EPHA3: variants seen among roughly 807,000 people sequenced by gnomAD.
The protein encoded by EPHA3 is EPH receptor A3, also known as ephrin type-A receptor 3.
In EPHA3, 42 loss-of-function variants were observed where a neutral mutation model predicts 107.1. The ratio of observed to expected loss-of-function variants is 0.39; its 90% CI spans 0.31 to 0.51. The LOEUF is 0.51. Among genes scored for constraint, EPHA3 ranks in the 20% least tolerant of loss-of-function variants. EPHA3 has a pLI of 0.78. For synonymous variants in EPHA3, 461 were observed against 424.8 expected, an observed-to-expected ratio of 1.09 and a Z score of -1.05; for missense variants, 1,183 against 1,211.2, an observed-to-expected ratio of 0.98 and a Z score of 0.35.
At chr3:89,186,668 A>T (rs1705575464) in intron 2 of EPHA3, among the ~76,000 whole-genome samples, 1 of 152,146 alleles carries the variant, frequency 6.6e-6, no homozygotes, top group South Asian at 2.1e-4. Context: ...GACAAGTGCC[A>T]TGTTGAATAC....
chr3:89,169,265 GGTTA>G (rs1705156070), intron 2 of EPHA3, among the ~76,000 whole-genome samples: 2 of 151,892 alleles, frequency 1.3e-5, no homozygotes, highest in Non-Finnish European at 2.9e-5. Flanking sequence ...AATTTTAAAA[GGTTA>G]GTTAGGGCAT....
At chr3:89,414,836 G>A (rs773560097) in intron 10 of EPHA3, among the ~76,000 whole-genome samples, 5 of 151,422 alleles carry the variant, frequency 3.3e-5, no homozygotes, top group African/African-American at 4.8e-5. Context: ...TGAGATAAGG[G>A]GAGGTCTATT....
rs181985639 is a variant in EPHA3, at chr3:89,111,096, G to A, written c.88+3260G>A. Among the ~76,000 whole-genome samples the A allele has an allele frequency of 1.9e-3, 293 of 151,798 alleles. 1 individual carries two copies. Among genetic ancestry groups the A allele is most frequent in the African/African-American group, 6.5e-3 (269 of 41,456 alleles). On this transcript the variant is annotated intron_variant, in intron 1 of 16. Transcript: ENST00000336596. ...ACTTTTTTAAAGACTTTTTTTAGTA[G>A]CTAAGACACTATTTCTATGAAATGC...
At chr3:89,386,115 G>A (rs1708615937) in intron 5 of EPHA3, among the ~76,000 whole-genome samples, 1 of 152,152 alleles carries the variant, frequency 6.6e-6, no homozygotes, top group Non-Finnish European at 1.5e-5. Context: ...ATTAAAGTTA[G>A]GAAAATTTGC....
intron 3 of EPHA3, among the ~76,000 whole-genome samples, chr3:89,218,706 T>C (rs111276215): frequency 0.016 from 2,398 of 152,200 alleles, 55 homozygotes; most frequent in African/African-American, 0.053. Flanking sequence ...AAGACATTTA[T>C]GCAGCCAAAA....
At chr3:89,202,261 G>A (rs1257226571) in intron 2 of EPHA3, among the ~76,000 whole-genome samples, 2 of 151,896 alleles carry the variant, frequency 1.3e-5, no homozygotes, top group African/African-American at 4.8e-5. Context: ...TTGGGAGGCC[G>A]AGGCAGGCGG....
rs571114600 is a variant in EPHA3, at chr3:89,148,097, T to A, written c.153+20824T>A. On this transcript the variant is annotated intron_variant, in intron 2 of 16. Coordinates refer to ENST00000336596, the MANE Select transcript of EPHA3 (RefSeq NM_005233.6). The stretch of plus-strand genomic sequence containing the variant: ...TTTAGGGAAAAAATGCATGAACTTG[T>A]GTGTTGATTAAATGCAAATATCAGT... Among the ~76,000 whole-genome samples the A allele has an allele frequency of 2.0e-5, 3 of 152,092 alleles. No individual in the cohort carries two copies. In the South Asian group the frequency reaches 6.2e-4, roughly 32 times the overall value.
At chr3:89,242,883 T>G (rs1316633971) in intron 3 of EPHA3, among the ~76,000 whole-genome samples, 1 of 151,466 alleles carries the variant, frequency 6.6e-6, no homozygotes, top group Non-Finnish European at 1.5e-5. Context: ...TTGGTATATC[T>G]CCTATTGCTA....
At position 89,480,968 on chromosome 3, in the gene EPHA3, A is replaced by C. The variant is rs1710611240; in HGVS notation, c.*1466A>C. 4.3e-6 allele frequency: 1 copy of C among 231,728 alleles called. No individual in the cohort carries two copies. The allele number at this position is 231,728 out of a possible 1,614,324, so 14.4% of individuals were successfully genotyped here. A position where few individuals can be genotyped will look rare whatever the true frequency, so the allele number is the denominator to read the frequency against. ...ATCACAGGGATTTAGACTTACTATTACATAAAGGCTAACTATGAGCTTGCT... is the reference window on the plus strand; with the variant it reads ...ATCACAGGGATTTAGACTTACTATTCCATAAAGGCTAACTATGAGCTTGCT... On this transcript the variant is annotated 3_prime_UTR_variant, in exon 17 of 17. Coordinates refer to ENST00000336596, the MANE Select transcript of EPHA3 (RefSeq NM_005233.6).
chr3:89,426,153 C>A (rs1240986572), intron 11 of EPHA3, among the ~76,000 whole-genome samples: 2 of 151,642 alleles, frequency 1.3e-5, no homozygotes, highest in Non-Finnish European at 3.0e-5. Flanking sequence ...CAAGCTTTGT[C>A]TGGAGGAAGA....
chr3:89,220,218 G>C (rs1389574271), intron 3 of EPHA3, among the ~76,000 whole-genome samples: 1 of 152,098 alleles, frequency 6.6e-6, no homozygotes, highest in African/African-American at 2.4e-5. Context: ...GTCTATTAAG[G>C]CTAAAGGTTC....
At chr3:89,108,999 C>A (rs1323321981) in intron 1 of EPHA3, among the ~76,000 whole-genome samples, 2 of 151,992 alleles carry the variant, frequency 1.3e-5, no homozygotes, top group African/African-American at 4.8e-5. Flanking sequence ...TGTATATGTA[C>A]CTTAATTTTA....
intron 3 of EPHA3, among the ~76,000 whole-genome samples, chr3:89,291,865 A>G (rs1289921312): frequency 1.3e-5 from 2 of 152,184 alleles, no homozygotes; most frequent in East Asian, 3.8e-4. Flanking sequence ...CTTGTAATCT[A>G]TGATCCTTAC....
intron 12 of EPHA3, among the ~76,000 whole-genome samples, chr3:89,430,730 T>C (rs1382509332): frequency 6.6e-6 from 1 of 152,162 alleles, no homozygotes; most frequent in Admixed American, 6.6e-5. Flanking sequence ...ATCCACCTTA[T>C]TTGAAACAAT....
chr3:89,255,587 T>C (rs989076858), intron 3 of EPHA3, among the ~76,000 whole-genome samples: 14 of 152,038 alleles, frequency 9.2e-5, no homozygotes, highest in African/African-American at 3.4e-4. Flanking sequence ...AAAAACTGTG[T>C]CCAACCCTGC....
rs577082427 is a variant in EPHA3, at chr3:89,199,292, A to G, written c.154-10568A>G. 6.6e-5 allele frequency among the ~76,000 whole-genome samples: 10 copies of G among 152,284 alleles called. No homozygotes were observed. In the South Asian group the frequency reaches 2.1e-3, roughly 32 times the overall value. ...GGTATACTTCATCACGATAGTTTTA[A>G]AAAGAACATTTTTGCAATAAGTGTC... On this transcript the variant is annotated intron_variant, in intron 2 of 16. Coordinates refer to ENST00000336596, the MANE Select transcript of EPHA3 (RefSeq NM_005233.6).
intron 2 of EPHA3, among the ~76,000 whole-genome samples, chr3:89,198,591 G>T (rs900552224): frequency 2.0e-5 from 3 of 152,094 alleles, no homozygotes; most frequent in Admixed American, 2.0e-4. Context: ...TAAAATTGGT[G>T]CTATAAAACA....
At chr3:89,374,274 T>C (rs994569172) in intron 5 of EPHA3, among the ~76,000 whole-genome samples, 1 of 151,874 alleles carries the variant, frequency 6.6e-6, no homozygotes, top group African/African-American at 2.4e-5. Flanking sequence ...GTCCTTGCCA[T>C]GTAGATTTTT....
intron 2 of EPHA3, among the ~76,000 whole-genome samples, chr3:89,129,815 T>C: frequency 6.6e-6 from 1 of 152,126 alleles, no homozygotes; most frequent in South Asian, 2.1e-4. Context: ...ATAACAATTG[T>C]GATATCCTTG....
Sources: gnomAD v4.1 joint callset for allele counts (sites outside exome capture counted in the v4.1 genomes callset) on GRCh38, gnomAD v4.1.1 for gene constraint, MANE v1.5 for transcripts, NCBI Gene and HGNC (gene_info 2026-07-23, HGNC 2026-07-21) for gene names.